RAD51B: variants seen among roughly 807,000 people sequenced by gnomAD.
The protein encoded by RAD51B is DNA repair protein RAD51 homolog 2.
A neutral mutation model predicts 42.2 loss-of-function variants in RAD51B; 38 were observed. The ratio of observed to expected loss-of-function variants is 0.90; its 90% confidence interval spans 0.70 to 1.18. The LOEUF is 1.18. Among genes scored for constraint, RAD51B ranks in the 50% most tolerant of loss-of-function variants. The pLI is 0.00. For missense variants in RAD51B, 373 were observed against 400.7 expected, an observed-to-expected ratio of 0.93 and a Z score of 0.59; for synonymous variants, 154 against 145.2, an observed-to-expected ratio of 1.06 and a Z score of -0.43.
chr14:68,397,947 C>T (rs997364011), intron 8 of RAD51B, among the ~76,000 whole-genome samples: 1 of 152,184 alleles, frequency 6.6e-6, no homozygotes, highest in African/African-American at 2.4e-5. Flanking sequence ...ATATGTGAGG[C>T]CAGCATTCCA....
chr14:68,103,772 G>A (rs2077330969), intron 7 of RAD51B, among the ~76,000 whole-genome samples: 1 of 152,078 alleles, frequency 6.6e-6, no homozygotes, highest in South Asian at 2.1e-4. Context: ...AGATAAGGAG[G>A]AGACAATTTA....
intron 10 of RAD51B, among the ~76,000 whole-genome samples, chr14:68,558,523 CTCT>C (rs1888977189): frequency 6.6e-6 from 1 of 152,194 alleles, no homozygotes. Context: ...CCTTCCTTGC[CTCT>C]TCTCAGCTTC....
At chr14:67,904,934 G>GT (rs567202391) in intron 7 of RAD51B, among the ~76,000 whole-genome samples, 46,223 of 138,106 alleles carry the variant, frequency 0.33, 8,004 homozygotes, top group Middle Eastern at 0.46. Context: ...CTATTTGTCA[G>GT]TTTTTTTTTT....
chr14:68,603,497 T>G (rs975855565), intron 10 of RAD51B, among the ~76,000 whole-genome samples: 3 of 152,192 alleles, frequency 2.0e-5, no homozygotes, highest in Admixed American at 6.5e-5. Context: ...AAACATGTTA[T>G]CTGTTTTTTT....
intron 10 of RAD51B, among the ~76,000 whole-genome samples, chr14:68,641,803 C>T (rs1425078665): frequency 6.6e-6 from 1 of 151,458 alleles, no homozygotes; most frequent in Non-Finnish European, 1.5e-5. Context: ...TCAAGTGATC[C>T]TCCTGCATTG....
At chr14:67,969,738 CTATT>C (rs976906279) in intron 7 of RAD51B, among the ~76,000 whole-genome samples, 1 of 152,008 alleles carries the variant, frequency 6.6e-6, no homozygotes, top group Admixed American at 6.6e-5. Flanking sequence ...AAAACTTATG[CTATT>C]TGTCACTTTT....
intron 10 of RAD51B, among the ~76,000 whole-genome samples, chr14:68,548,257 G>A (rs1165598841): frequency 6.6e-6 from 1 of 152,152 alleles, no homozygotes; most frequent in Non-Finnish European, 1.5e-5. Flanking sequence ...GCCTGGGACT[G>A]TCCTCACTCT....
At chr14:68,244,034 A>G (rs1431474628) in intron 7 of RAD51B, among the ~76,000 whole-genome samples, 1 of 152,184 alleles carries the variant, frequency 6.6e-6, no homozygotes, top group Non-Finnish European at 1.5e-5. Context: ...CAGTGATTCT[A>G]TCAACCAGTG....
intron 7 of RAD51B, among the ~76,000 whole-genome samples, chr14:67,924,021 T>A (rs1415182184): frequency 6.6e-6 from 1 of 152,216 alleles, no homozygotes; most frequent in Non-Finnish European, 1.5e-5. Flanking sequence ...CATTTGTATA[T>A]CTTCTTTTGA....
At chr14:68,630,980 G>T (rs1192746170) in intron 10 of RAD51B, among the ~76,000 whole-genome samples, 1 of 152,174 alleles carries the variant, frequency 6.6e-6, no homozygotes, top group Admixed American at 6.5e-5. Flanking sequence ...ATGGAAAAAT[G>T]AAGTGCTGAT....
At chr14:68,335,015 G>A (rs1595721179) in intron 8 of RAD51B, among the ~76,000 whole-genome samples, 1 of 148,626 alleles carries the variant, frequency 6.7e-6, no homozygotes, top group African/African-American at 2.5e-5. Context: ...AAAATATGTT[G>A]GCTGGGCGCA....
intron 10 of RAD51B, chr14:68,541,957 C>A: frequency 2.7e-6 from 1 of 368,686 alleles, no homozygotes; most frequent in Non-Finnish European, 3.8e-6. Flanking sequence ...CATCAGTAAA[C>A]AATTTTGAAT....
chr14:68,310,806 C>T (rs1472506448), intron 8 of RAD51B, among the ~76,000 whole-genome samples: 1 of 152,134 alleles, frequency 6.6e-6, no homozygotes, highest in Non-Finnish European at 1.5e-5. Context: ...GATCACGCCA[C>T]TGCACTCTAG....
chr14:68,224,769 A>G (rs1188601198), intron 7 of RAD51B, among the ~76,000 whole-genome samples: 2 of 151,966 alleles, frequency 1.3e-5, no homozygotes, highest in African/African-American at 4.8e-5. Flanking sequence ...GTCTTGGCTC[A>G]CTGCAACCTC....
At chr14:68,615,922 T>G (rs1183866874), downstream of RAD51B, among the ~76,000 whole-genome samples, 1 of 152,204 alleles carries the variant, frequency 6.6e-6, no homozygotes, top group African/African-American at 2.4e-5. Flanking sequence ...GTAACATACA[T>G]GTTTGGTTTA....
chr14:67,985,535 C>G (rs1294215524), intron 7 of RAD51B, among the ~76,000 whole-genome samples: 2 of 151,460 alleles, frequency 1.3e-5, no homozygotes, highest in Non-Finnish European at 2.9e-5. Flanking sequence ...TAGGAATTTT[C>G]TTGCCATGTC....
chr14:67,922,845 C>T lies in RAD51B; in HGVS notation c.756+35641C>T, dbSNP rs541140212. On this transcript the variant is annotated intron_variant, in intron 7 of 10. Transcript: ENST00000471583. ...TAGCTGGGATTATAGGCGCCTGCCA[C>T]CACGCCTGGCTAATTTTTGTATTTT... is the stretch of plus-strand genomic sequence containing the variant. Among the ~76,000 whole-genome samples the T allele has an allele frequency of 8.5e-5, 13 of 152,260 alleles. 1 individual carries two copies. The highest frequency in any genetic ancestry group is 2.9e-4 in the African/African-American group (12 of 41,546).
chr14:68,208,210 A>G (rs1392310224), intron 7 of RAD51B, among the ~76,000 whole-genome samples: 2 of 152,194 alleles, frequency 1.3e-5, no homozygotes, highest in Non-Finnish European at 2.9e-5. Context: ...CTCAAATTTT[A>G]TAAATTGGGT....
At chr14:68,168,418 G>T (rs917404002) in intron 7 of RAD51B, among the ~76,000 whole-genome samples, 1 of 152,092 alleles carries the variant, frequency 6.6e-6, no homozygotes, top group African/African-American at 2.4e-5. Context: ...GATCTATGAG[G>T]AGCATTATTT....
Sources: gnomAD v4.1 joint callset for allele counts (sites outside exome capture counted in the v4.1 genomes callset) on GRCh38, gnomAD v4.1.1 for gene constraint, MANE v1.5 for transcripts, NCBI Gene and HGNC (gene_info 2026-07-23, HGNC 2026-07-21) for gene names.